Variants in USH2A observed in about 807,000 individuals in gnomAD.
The protein encoded by USH2A is Usher syndrome 2A (autosomal recessive, mild).
USH2A carries 443 observed loss-of-function variants against 538.9 expected under a neutral mutation model. That is an observed-to-expected ratio of 0.82 (90% CI 0.76 to 0.89). The LOEUF (loss-of-function observed/expected upper bound fraction) is 0.89, where lower values mean the gene tolerates loss of function less well. USH2A is among the 40% of genes least tolerant of loss of function. The pLI, the probability that USH2A is intolerant of heterozygous loss-of-function variation, is 0.00. For missense variants in USH2A, 6,633 were observed against 6,324.8 expected (o/e 1.05, Z -1.65); for synonymous variants, 2,413 against 2,273.5 (o/e 1.06, Z -1.75).
chr1:216,043,758 C>A (rs2030396491), intron 32 of USH2A, among the ~76,000 whole-genome samples: 1 of 152,078 alleles, frequency 6.6e-6, no homozygotes, highest in Non-Finnish European at 1.5e-5. Context: ...TCCAGTGTAA[C>A]CTCATATGGA....
intron 30 of USH2A, among the ~76,000 whole-genome samples, chr1:216,064,850 G>A (rs556669165): frequency 1.3e-5 from 2 of 152,260 alleles, no homozygotes; most frequent in South Asian, 4.1e-4. Flanking sequence ...ACATTGCAAG[G>A]TGATGAAATC....
At position 215,648,764 on chromosome 1, in the gene USH2A, T is replaced by G. The variant is rs776743758; in HGVS notation, c.14346A>C (p.Leu4782=). The change falls in exon 66 of 72, where the codon CTA becomes CTC. Residue 4782 remains leucine (L), a splice_region_variant and synonymous_variant. Coordinates refer to ENST00000307340, the MANE Select transcript of USH2A (RefSeq NM_206933.4). ...TCTGCTGGGTGGCCATGCCTTCGGA[T>G]AGCTGTGGAAGGAAGGAAGGCTAGA... ...SSSAHGAETV[L]SEGMATQQTL... The G allele has an allele frequency of 6.2e-7, 1 of 1,613,706 alleles. No homozygotes were observed. The highest frequency in any genetic ancestry group is 1.1e-5 in the South Asian group (1 of 91,060).
chr1:215,665,102 G>A (rs1657563349), intron 64 of USH2A, among the ~76,000 whole-genome samples: 1 of 152,176 alleles, frequency 6.6e-6, no homozygotes, highest in Non-Finnish European at 1.5e-5. Context: ...GTGCAGGGAA[G>A]GCCTCCACAG....
At chr1:215,838,580 A>G (rs1663593602) in intron 46 of USH2A, among the ~76,000 whole-genome samples, 1 of 152,196 alleles carries the variant, frequency 6.6e-6, no homozygotes, top group Non-Finnish European at 1.5e-5. Flanking sequence ...GAAGCCTTCC[A>G]ATATGGCTGA....
At chr1:216,283,815 T>G (rs1195020442) in intron 11 of USH2A, among the ~76,000 whole-genome samples, 1 of 152,248 alleles carries the variant, frequency 6.6e-6, no homozygotes, top group Admixed American at 6.5e-5. Flanking sequence ...CTTTGTTTAA[T>G]GTTGTCCCCA....
intron 21 of USH2A, among the ~76,000 whole-genome samples, chr1:216,120,603 A>G (rs1041771218): frequency 2.6e-5 from 4 of 151,194 alleles, no homozygotes; most frequent in African/African-American, 9.7e-5. Flanking sequence ...CTGGTCTCGA[A>G]CTCCTGACCT....
In USH2A at chr1:215,782,024, T is replaced by G; in HGVS notation, c.10740+18A>C. The G allele has an allele frequency of 6.2e-7, 1 of 1,613,782 alleles. No homozygotes were observed. The highest frequency in any genetic ancestry group is 1.3e-5 in the African/African-American group (1 of 75,036). On this transcript the variant is annotated intron_variant, in intron 54 of 71. Coordinates refer to ENST00000307340, the MANE Select transcript of USH2A (RefSeq NM_206933.4). ...ACACTGAACCCCTTTTCCCAGAGTTTAGGCAAACTCCTCTTACCTTGCTAC... is the reference window on the plus strand; with the variant it reads ...ACACTGAACCCCTTTTCCCAGAGTTGAGGCAAACTCCTCTTACCTTGCTAC...
intron 21 of USH2A, among the ~76,000 whole-genome samples, chr1:216,143,689 C>T (rs567937422): frequency 6.6e-6 from 1 of 152,248 alleles, no homozygotes; most frequent in Non-Finnish European, 1.5e-5. Context: ...ACGAAAGTTT[C>T]TGGAAACTAC....
intron 40 of USH2A, among the ~76,000 whole-genome samples, chr1:215,889,883 T>A (rs1005580213): frequency 6.6e-6 from 1 of 152,222 alleles, no homozygotes; most frequent in African/African-American, 2.4e-5. Context: ...TCACCTTGAA[T>A]GCAAACCCCT....
chr1:215,828,254 C>A (rs924509160), intron 47 of USH2A, among the ~76,000 whole-genome samples: 2 of 151,988 alleles, frequency 1.3e-5, no homozygotes, highest in Non-Finnish European at 2.9e-5. Context: ...GTTCGAAAGA[C>A]CAGCCTGGGC....
At chr1:216,019,218 A>T (rs35589906) in intron 32 of USH2A, among the ~76,000 whole-genome samples, 1 of 152,020 alleles carries the variant, frequency 6.6e-6, no homozygotes, top group Admixed American at 6.6e-5. Context: ...GAGTGAAGAC[A>T]TTCTGGATGG....
chr1:216,076,151 C>T (rs946744143), intron 27 of USH2A, among the ~76,000 whole-genome samples: 4 of 152,106 alleles, frequency 2.6e-5, no homozygotes, highest in Non-Finnish European at 5.9e-5. Context: ...TCCCTAACAT[C>T]TGTATTTTTA....
At chr1:215,738,235 C>A (rs1213558285) in intron 60 of USH2A, among the ~76,000 whole-genome samples, 1 of 152,020 alleles carries the variant, frequency 6.6e-6, no homozygotes, top group African/African-American at 2.4e-5. Flanking sequence ...CATTATCATA[C>A]CAGCCAAACT....
intron 50 of USH2A, among the ~76,000 whole-genome samples, chr1:215,790,498 G>A (rs1421214616): frequency 6.6e-6 from 1 of 152,110 alleles, no homozygotes; most frequent in Non-Finnish European, 1.5e-5. Context: ...ACACACAAGA[G>A]GAAATGTTCG....
rs75663902 is a variant in USH2A, at chr1:216,381,460, A to G, written c.652-16375T>C. Reference sequence around the variant, plus strand: ...AAGGAGGTAATCACATTTACATTTTAGAAAGAAATTTTCACGATGAAGTTT... The same window carrying G: ...AAGGAGGTAATCACATTTACATTTTGGAAAGAAATTTTCACGATGAAGTTT... On this transcript the variant is annotated intron_variant, in intron 3 of 71. Coordinates refer to ENST00000307340, the MANE Select transcript of USH2A (RefSeq NM_206933.4). 1.1e-4 allele frequency among the ~76,000 whole-genome samples: 17 copies of G among 152,300 alleles called. No homozygotes were observed. In the East Asian group the frequency reaches 3.3e-3, roughly 29 times the overall value.
chr1:216,336,706 G>T (rs1571714973), intron 4 of USH2A, among the ~76,000 whole-genome samples: 1 of 151,352 alleles, frequency 6.6e-6, no homozygotes, highest in African/African-American at 2.4e-5. Context: ...TGGAATATTG[G>T]ATATCTTATG....
intron 50 of USH2A, among the ~76,000 whole-genome samples, chr1:215,796,870 CACCTTCAACAG>C (rs67384330): frequency 0.58 from 87,916 of 151,470 alleles, 25,875 homozygotes; most frequent in Admixed American, 0.66. Context: ...CTTCCTCCCA[CACCTTCAACAG>C]ACCTTCTTCT....
chr1:215,961,412 A>G (rs1336329822), intron 37 of USH2A, among the ~76,000 whole-genome samples: 1 of 151,738 alleles, frequency 6.6e-6, no homozygotes, highest in Non-Finnish European at 1.5e-5. Flanking sequence ...AAGTATAATG[A>G]TATCATTGAT....
At chr1:216,214,420 C>T (rs1292560532) in intron 15 of USH2A, among the ~76,000 whole-genome samples, 3 of 151,914 alleles carry the variant, frequency 2.0e-5, no homozygotes, top group African/African-American at 7.3e-5. Flanking sequence ...TAAGATGAAG[C>T]TAGATACAAA....
Sources: gnomAD v4.1 joint callset for allele counts (sites outside exome capture counted in the v4.1 genomes callset) on GRCh38, gnomAD v4.1.1 for gene constraint, MANE v1.5 for transcripts, NCBI Gene and HGNC (gene_info 2026-07-23, HGNC 2026-07-21) for gene names.